Variants in AVEN observed in about 807,000 individuals in gnomAD.
AVEN encodes the protein cell death regulator Aven.
In AVEN, 41 loss-of-function variants were observed where a neutral mutation model predicts 38.1. The observed-to-expected ratio is 1.08, with a 90% CI of 0.84 to 1.40. The LOEUF is 1.40. Ranked by LOEUF, AVEN falls within the 40% of genes most tolerant of loss-of-function variation. The pLI is 0.00. For synonymous variants in AVEN, 206 were observed against 171.8 expected (o/e 1.20, Z -1.56); for missense variants, 605 against 438.8 (o/e 1.38, Z -3.38).
chr15:34,057,098 C>T (rs1164734153), intron 5 of AVEN, among the ~76,000 whole-genome samples: 1 of 151,790 alleles, frequency 6.6e-6, no homozygotes, highest in African/African-American at 2.4e-5. Context: ...AATAACCATG[C>T]CTCAGGCTCA....
chr15:33,986,785 T>C (rs533731492), intron 2 of AVEN, among the ~76,000 whole-genome samples: 1 of 151,960 alleles, frequency 6.6e-6, no homozygotes, highest in Non-Finnish European at 1.5e-5. Flanking sequence ...GCCGCCCGAG[T>C]AGCTGGGACT....
intron 1 of AVEN, among the ~76,000 whole-genome samples, chr15:34,027,000 A>C (rs1898506667): frequency 7.4e-6 from 1 of 135,408 alleles, no homozygotes; most frequent in South Asian, 2.4e-4. Flanking sequence ...CTGCTTCAAA[A>C]AATAGAATAG....
At chr15:34,040,259 G>T (rs79002796), upstream of AVEN, among the ~76,000 whole-genome samples, 876 of 152,276 alleles carry the variant, frequency 5.8e-3, 13 homozygotes, top group African/African-American at 0.02. Flanking sequence ...ACAGTACCGT[G>T]TTGCTGAGTG....
Position 33,934,375 on chromosome 15 carries a change from C to T in AVEN, c.446-58380G>A, listed in dbSNP as rs564276499. On this transcript the variant is annotated intron_variant, in intron 2 of 5. Transcript: ENST00000306730. ...ACCTAGTCTCAAAAAACAAAATCTT[C>T]AGCAATTAGAGACCAAGCAATTCTT... Among the ~76,000 whole-genome samples the T allele has an allele frequency of 3.3e-5, 5 of 152,274 alleles. No homozygotes were observed. In the East Asian group the frequency reaches 5.8e-4, roughly 18 times the overall value.
intron 2 of AVEN, among the ~76,000 whole-genome samples, chr15:33,996,623 A>G (rs1169087949): frequency 2.6e-5 from 4 of 152,254 alleles, no homozygotes; most frequent in South Asian, 2.1e-4. Flanking sequence ...CCTGACTGTT[A>G]GAAGGAAAAC....
chr15:34,047,730 C>T (rs575165143), intron 5 of AVEN, among the ~76,000 whole-genome samples: 45 of 151,204 alleles, frequency 3.0e-4, no homozygotes, highest in South Asian at 1.5e-3. Context: ...CAGTTGGTGG[C>T]CAGACTGCTT....
upstream of AVEN, among the ~76,000 whole-genome samples, chr15:34,044,131 A>G (rs183844610): frequency 6.6e-6 from 1 of 152,082 alleles, no homozygotes; most frequent in Non-Finnish European, 1.5e-5. Flanking sequence ...TTACACCCTA[A>G]TCCAACTTCT....
chr15:33,872,167 G>T (rs1383438589), intron 3 of AVEN, among the ~76,000 whole-genome samples: 2 of 152,118 alleles, frequency 1.3e-5, no homozygotes, highest in African/African-American at 4.8e-5. Flanking sequence ...GGGGAGAGGG[G>T]AGCCAGTCCT....
intron 3 of AVEN, among the ~76,000 whole-genome samples, chr15:33,873,499 TAA>T (rs1891088079): frequency 6.8e-6 from 1 of 148,022 alleles, no homozygotes; most frequent in Non-Finnish European, 1.5e-5. Flanking sequence ...ATATAATATA[TAA>T]TATATATATA....
chr15:34,048,055 G>T (rs1013511499), intron 5 of AVEN, among the ~76,000 whole-genome samples: 3 of 143,842 alleles, frequency 2.1e-5, no homozygotes, highest in African/African-American at 8.3e-5. Context: ...GTGTGTGTTT[G>T]GTAGATATGG....
At chr15:33,853,448 C>T in the AVEN span, 9 of 1,366,534 alleles carry the variant, frequency 6.6e-6, no homozygotes, top group Admixed American at 2.6e-5. Flanking sequence ...CTTCATCTAC[C>T]CCTTGGAAGA....
At chr15:33,963,776 G>T (rs892439673) in intron 2 of AVEN, among the ~76,000 whole-genome samples, 1 of 124,848 alleles carries the variant, frequency 8.0e-6, no homozygotes, top group Non-Finnish European at 1.6e-5. Context: ...CAGCCTGGGC[G>T]ACAGAGCGAG....
downstream of AVEN, among the ~76,000 whole-genome samples, chr15:33,857,172 G>A (rs2079766955): frequency 6.6e-6 from 1 of 152,102 alleles, no homozygotes. Flanking sequence ...ACTACAGACT[G>A]CTATTTTGTT....
intron 1 of AVEN, among the ~76,000 whole-genome samples, chr15:34,030,884 C>T (rs563924606): frequency 4.6e-4 from 70 of 152,136 alleles, no homozygotes; most frequent in Middle Eastern, 3.4e-3. Flanking sequence ...TCCCAAAGTG[C>T]TGGGATTACA....
At chr15:33,906,596 G>T (rs1892708385) in intron 2 of AVEN, among the ~76,000 whole-genome samples, 1 of 152,086 alleles carries the variant, frequency 6.6e-6, no homozygotes, top group Non-Finnish European at 1.5e-5. Flanking sequence ...ATTGAACCTT[G>T]AAGACATTAT....
At position 33,870,924 on chromosome 15, in the gene AVEN, G is replaced by C. The variant is rs755374394; in HGVS notation, c.612+11C>G. ...AATCCACCCGCTTCAAGAGGGCTTC[G>C]GGATTTTTACCTGGACCAGTTCGGC... On this transcript the variant is annotated intron_variant, in intron 4 of 5. Transcript: ENST00000306730. 1 of 1,607,344 alleles carries C rather than the reference G, an allele frequency of 6.2e-7. No individual in the cohort carries two copies. Among genetic ancestry groups the C allele is most frequent in the East Asian group, 2.2e-5 (1 of 44,744 alleles).
At chr15:33,883,339 T>C (rs1232855704) in intron 2 of AVEN, among the ~76,000 whole-genome samples, 1 of 149,166 alleles carries the variant, frequency 6.7e-6, no homozygotes, top group Non-Finnish European at 1.5e-5. Flanking sequence ...TTTAATATAG[T>C]CTTTAATTTG....
chr15:33,876,432 C>CGTGCCTATAATA (rs1407256605), intron 2 of AVEN, among the ~76,000 whole-genome samples: 1 of 90,100 alleles, frequency 1.1e-5, no homozygotes, highest in Non-Finnish European at 3.2e-5. Context: ...ATTAGCTGGG[C>CGTGCCTATAATA]GTGGTGGCAC....
intron 5 of AVEN, among the ~76,000 whole-genome samples, chr15:34,052,086 CA>C (rs1899942681): frequency 6.6e-6 from 1 of 152,074 alleles, no homozygotes; most frequent in African/African-American, 2.4e-5. Flanking sequence ...AACACTGATG[CA>C]AAAATCCTCA....
Sources: allele counts gnomAD v4.1 joint callset (sites outside exome capture counted in the v4.1 genomes callset), GRCh38; gene constraint gnomAD v4.1.1; transcripts MANE v1.5; gene names NCBI Gene and HGNC (gene_info 2026-07-23, HGNC 2026-07-21).